OSBPL3: variants seen among roughly 807,000 people sequenced by gnomAD.
OSBPL3 encodes oxysterol-binding protein-related protein 3.
In OSBPL3, 65 loss-of-function variants were observed where a neutral mutation model predicts 120.1. The ratio of observed to expected loss-of-function variants is 0.54; its 90% CI spans 0.44 to 0.67. The LOEUF is 0.67. Among genes scored for constraint, OSBPL3 ranks in the 30% least tolerant of loss-of-function variants. OSBPL3 has a pLI of 0.00. For missense variants in OSBPL3, 1,004 were observed against 1,082.1 expected (o/e 0.93, Z 1.01); for synonymous variants, 416 against 402.6 (o/e 1.03, Z -0.40).
chr7:24,810,091 G>A (rs534636923), intron 19 of OSBPL3, 140 bp from the exon 20 acceptor site: 72 of 831,810 alleles, frequency 8.7e-5, no homozygotes, highest in South Asian at 2.1e-4. Context: ...TCTGGGTTCC[G>A]TTTTTTTAAC....
At chr7:24,893,743 C>T (rs1353679000) in intron 1 of OSBPL3, among the ~76,000 whole-genome samples, 64 of 6,754 alleles carry the variant, frequency 9.5e-3, no homozygotes, top group African/African-American at 0.026. Context: ...AACCGGGCGG[C>T]GGGGCGGGGG....
In OSBPL3 at chr7:24,968,786, A is replaced by G. The variant is rs1225316678; in HGVS notation, c.-150+11100T>C. 7.9e-5 allele frequency among the ~76,000 whole-genome samples: 12 copies of G among 152,220 alleles called. No homozygotes were observed. On this transcript the variant is annotated intron_variant, in intron 1 of 22. Transcript: ENST00000313367. This position sits in a 1 kb window ranked among gnomAD's most constrained non-coding sequence, Gnocchi z 4.6. ...CTTTCATATAAAATATATATTATAT[A>G]TGGATATTCTATACTTCACTTTTTT...
chr7:24,878,811 G>T (rs897085851), intron 2 of OSBPL3, among the ~76,000 whole-genome samples: 2 of 152,188 alleles, frequency 1.3e-5, no homozygotes, highest in African/African-American at 2.4e-5. Flanking sequence ...ATCACTTGGA[G>T]ATCTTGTTAA....
rs912921078 is a variant in OSBPL3, at chr7:24,872,448, A to AGAGTGTGT, written c.97-380_97-379insACACACTC. 2.8e-4 allele frequency among the ~76,000 whole-genome samples: 40 copies of AGAGTGTGT among 144,986 alleles called. No individual in the cohort carries two copies. Among genetic ancestry groups the AGAGTGTGT allele is most frequent in the South Asian group, 8.8e-4 (4 of 4,548 alleles). The stretch of plus-strand genomic sequence containing the variant: ...TCAGTCTGAATTTTAACCGAAAGAG[A>AGAGTGTGT]GTGTGTGTGTGTGTGTGTGTGTGTG... On this transcript the variant is annotated intron_variant, in intron 2 of 22. Coordinates refer to ENST00000313367, the MANE Select transcript of OSBPL3 (RefSeq NM_015550.4). This position sits in a 1 kb window ranked among gnomAD's most constrained non-coding sequence, Gnocchi z 4.1.
At chr7:24,941,937 G>A (rs1813150911) in intron 1 of OSBPL3, among the ~76,000 whole-genome samples, 1 of 152,152 alleles carries the variant, frequency 6.6e-6, no homozygotes. Flanking sequence ...AGCCAGGCAG[G>A]CTGTATAGTT....
rs1047523471 is a variant in OSBPL3 at position 24,797,325 on chromosome 7, A to G, written c.*2858T>C. Reference sequence around the variant, plus strand: ...AACATTAAAAAATATATTAGTTTGTATATTTCCCCCAGGAAGTCTCACAGG... The same window carrying G: ...AACATTAAAAAATATATTAGTTTGTGTATTTCCCCCAGGAAGTCTCACAGG... On this transcript the variant is annotated 3_prime_UTR_variant, in exon 23 of 23. Coordinates refer to ENST00000313367, the MANE Select transcript of OSBPL3 (RefSeq NM_015550.4). The surrounding 1 kb of genome is among the most constrained non-coding windows in gnomAD (Gnocchi z 4.8). The G allele has an allele frequency of 1.3e-5, 2 of 152,156 alleles. No individual in the cohort carries two copies. Among genetic ancestry groups the G allele is most frequent in the Non-Finnish European group, 2.9e-5 (2 of 68,030 alleles). The allele number at this position is 152,156 out of a possible 1,614,324, so 9.4% of individuals were successfully genotyped here.
chr7:24,849,264 G>C lies in OSBPL3; in HGVS notation c.1159-88C>G. ...TGGGCCCTGCAGGAGCGATCTCTAA[G>C]AGCTTGATGAAACTCTTAGTGACGT... On this transcript the variant is annotated intron_variant, in intron 11 of 22. Coordinates refer to ENST00000313367, the MANE Select transcript of OSBPL3 (RefSeq NM_015550.4). This position sits in a 1 kb window ranked among gnomAD's most constrained non-coding sequence, Gnocchi z 5.4. 1.1e-6 allele frequency: 1 copy of C among 941,950 alleles called. No individual in the cohort carries two copies. The highest frequency in any genetic ancestry group is 1.6e-6 in the Non-Finnish European group (1 of 607,306). 58.3% of individuals were successfully genotyped at this position (941,950 alleles called of 1,614,324 possible).
intron 1 of OSBPL3, among the ~76,000 whole-genome samples, chr7:24,949,454 T>A (rs182634026): frequency 4.6e-5 from 7 of 152,324 alleles, no homozygotes; most frequent in East Asian, 3.9e-4. Context: ...CAATTGACAG[T>A]CTTTGATTCA....
rs1252667726 is a variant in OSBPL3, at chr7:24,824,185, T to A, written c.1885-3947A>T. ...ATGGTTTTTATTACGCAAGTATTTA[T>A]ATGGTAACACATGTATCTATCTTTC... On this transcript the variant is annotated intron_variant, in intron 16 of 22. Transcript: ENST00000313367. The surrounding 1 kb of genome is among the most constrained non-coding windows in gnomAD (Gnocchi z 4.9). Among the ~76,000 whole-genome samples, 1 of 152,252 alleles carries A rather than the reference T, an allele frequency of 6.6e-6. No homozygotes were observed. Among genetic ancestry groups the A allele is most frequent in the Non-Finnish European group, 1.5e-5 (1 of 68,052 alleles).
intron 10 of OSBPL3, among the ~76,000 whole-genome samples, chr7:24,857,992 A>T (rs1285348533): frequency 1.3e-5 from 2 of 152,244 alleles, no homozygotes; most frequent in African/African-American, 4.8e-5. Context: ...AATATATGCA[A>T]CAAAAATTAC....
chr7:24,868,345 G>T (rs1221976229), intron 5 of OSBPL3, among the ~76,000 whole-genome samples: 2 of 99,756 alleles, frequency 2.0e-5, no homozygotes, highest in African/African-American at 8.9e-5. Flanking sequence ...AAAAGTGTGT[G>T]TGTGTGTGTG....
rs1409611512 is a variant in OSBPL3, at chr7:24,854,533, CACACAA to C, written c.1028-1905_1028-1900del. Reference sequence around the variant, plus strand: ...ACACACACACACACACACACACACACACACAAACACACACAATGGTGCTGCCTCTGC... The same window carrying C: ...ACACACACACACACACACACACACACACACACACAATGGTGCTGCCTCTGC... On this transcript the variant is annotated intron_variant, in intron 10 of 22. Coordinates refer to ENST00000313367, the MANE Select transcript of OSBPL3 (RefSeq NM_015550.4). This position sits in a 1 kb window ranked among gnomAD's most constrained non-coding sequence, Gnocchi z 4.1. Among the ~76,000 whole-genome samples the C allele has an allele frequency of 4.8e-3, 717 of 149,580 alleles. 10 individuals carry two copies. Among genetic ancestry groups the C allele is most frequent in the East Asian group, 0.03 (151 of 5,012 alleles).
chr7:24,907,537 T>C (rs1808123319), intron 1 of OSBPL3, among the ~76,000 whole-genome samples: 1 of 152,218 alleles, frequency 6.6e-6, no homozygotes, highest in African/African-American at 2.4e-5. Flanking sequence ...TCAAACTTCA[T>C]CTCTAACAAC....
chr7:24,821,148 A>T lies in OSBPL3; in HGVS notation c.1885-910T>A, dbSNP rs1795088924. On this transcript the variant is annotated intron_variant, in intron 16 of 22. Transcript: ENST00000313367. The surrounding 1 kb of genome is among the most constrained non-coding windows in gnomAD (Gnocchi z 5.5). ...AAGGGTGTTTCCAGAAAGTTCTCTG[A>T]TGTAGCTGATTCTTAACAGAGGTGT... Among the ~76,000 whole-genome samples the T allele has an allele frequency of 6.6e-6, 1 of 152,232 alleles. No homozygotes were observed. The highest frequency in any genetic ancestry group is 2.4e-5 in the African/African-American group (1 of 41,466).
At chr7:24,812,537 C>A (rs1007461501) in intron 19 of OSBPL3, among the ~76,000 whole-genome samples, 1 of 151,942 alleles carries the variant, frequency 6.6e-6, no homozygotes, top group East Asian at 2.0e-4. Flanking sequence ...GGAGCTCTAG[C>A]ACCCTAGAGT....
Position 24,978,582 on chromosome 7 carries a change from C to T in OSBPL3, c.-150+1304G>A, listed in dbSNP as rs1355137793. Among the ~76,000 whole-genome samples, 6 of 152,306 alleles carry T rather than the reference C, an allele frequency of 3.9e-5. No individual in the cohort carries two copies. The East Asian group carries it at 1.2e-3, about 29-fold the overall frequency. On this transcript the variant is annotated intron_variant, in intron 1 of 22. Transcript: ENST00000313367. Reference sequence around the variant, plus strand: ...AAGAACCTAGGCCTGCTTGACTGATCTCCTTTAGCCAAGTATAGTCCTTTA... The same window carrying T: ...AAGAACCTAGGCCTGCTTGACTGATTTCCTTTAGCCAAGTATAGTCCTTTA...
At position 24,822,380 on chromosome 7, in the gene OSBPL3, C is replaced by A. The variant is rs1181872505; in HGVS notation, c.1885-2142G>T. On this transcript the variant is annotated intron_variant, in intron 16 of 22. Transcript: ENST00000313367. This position sits in a 1 kb window ranked among gnomAD's most constrained non-coding sequence, Gnocchi z 5.8. Reference sequence around the variant, plus strand: ...GGCTGAGGCAGAAGGATCCCTTGAGCCCAGGATCCAGGAGTTCAAGACCAG... The same window carrying A: ...GGCTGAGGCAGAAGGATCCCTTGAGACCAGGATCCAGGAGTTCAAGACCAG... Among the ~76,000 whole-genome samples the A allele has an allele frequency of 6.6e-6, 1 of 151,992 alleles. No homozygotes were observed. Among genetic ancestry groups the A allele is most frequent in the Non-Finnish European group, 1.5e-5 (1 of 67,990 alleles).
At chr7:24,843,161 A>G (rs1014165208) in intron 12 of OSBPL3, among the ~76,000 whole-genome samples, 3 of 152,172 alleles carry the variant, frequency 2.0e-5, no homozygotes, top group Admixed American at 1.3e-4. Flanking sequence ...ATGGCAGGAT[A>G]TAACAATGAA....
chr7:24,868,312 G>A (rs1037815652), intron 5 of OSBPL3, among the ~76,000 whole-genome samples: 6 of 144,856 alleles, frequency 4.1e-5, no homozygotes, highest in Admixed American at 1.4e-4. Flanking sequence ...GCAAGACTCC[G>A]TCTCAAAAAA....
Sources: gnomAD v4.1 joint callset for allele counts (sites outside exome capture counted in the v4.1 genomes callset) on GRCh38, gnomAD v4.1.1 for gene constraint, Gnocchi (gnomAD v3.1) non-coding constraint, MANE v1.5 for transcripts, NCBI Gene and HGNC (gene_info 2026-07-23, HGNC 2026-07-21) for gene names.